KIZ: variants seen among roughly 807,000 people sequenced by gnomAD.
KIZ encodes centrosomal protein kizuna.
A neutral mutation model predicts 79.6 loss-of-function variants in KIZ; 68 were observed. The ratio of observed to expected loss-of-function variants is 0.85; its 90% CI spans 0.70 to 1.05. The LOEUF (loss-of-function observed/expected upper bound fraction) is 1.05. Among genes scored for constraint, KIZ ranks in the 50% least tolerant of loss-of-function variants. KIZ has a pLI of 0.00. For missense variants in KIZ, 797 were observed against 800.4 expected, an observed-to-expected ratio of 1.00 and a Z score of 0.05; for synonymous variants, 280 against 281.8, an observed-to-expected ratio of 0.99 and a Z score of 0.06.
intron 9 of KIZ, among the ~76,000 whole-genome samples, chr20:21,224,564 C>T (rs1032118500): frequency 6.6e-6 from 1 of 152,232 alleles, no homozygotes; most frequent in Non-Finnish European, 1.5e-5. Context: ...CTTACTCAAA[C>T]ATACCCAGTT....
intron 11 of KIZ, among the ~76,000 whole-genome samples, chr20:21,239,485 G>A (rs1338439007): frequency 6.6e-6 from 1 of 152,222 alleles, no homozygotes; most frequent in African/African-American, 2.4e-5. Flanking sequence ...ACTGCACAGT[G>A]AAGGCTCTGG....
At chr20:21,187,583 G>A (rs2034933982) in intron 6 of KIZ, among the ~76,000 whole-genome samples, 1 of 152,130 alleles carries the variant, frequency 6.6e-6, no homozygotes, top group Non-Finnish European at 1.5e-5. Flanking sequence ...CGCTCACCTA[G>A]TGTAACCCTC....
At chr20:21,216,999 A>C (rs958843457) in intron 9 of KIZ, among the ~76,000 whole-genome samples, 9 of 152,352 alleles carry the variant, frequency 5.9e-5, no homozygotes, top group African/African-American at 2.2e-4. Flanking sequence ...GCAGAAGTGC[A>C]ATATGGCTAG....
chr20:21,173,026 T>C (rs2034279645), intron 6 of KIZ, among the ~76,000 whole-genome samples: 1 of 152,082 alleles, frequency 6.6e-6, no homozygotes, highest in Non-Finnish European at 1.5e-5. Flanking sequence ...CGGGAGAAGC[T>C]GGAGTGAGAG....
chr20:21,176,340 G>A (rs188029487), intron 6 of KIZ, among the ~76,000 whole-genome samples: 6 of 152,008 alleles, frequency 3.9e-5, no homozygotes, highest in Admixed American at 3.3e-4. Flanking sequence ...CAATCAATCC[G>A]GAAAGCTGAA....
At chr20:21,126,957 G>T (rs899309906) in intron 1 of KIZ, among the ~76,000 whole-genome samples, 2 of 152,170 alleles carry the variant, frequency 1.3e-5, no homozygotes, top group African/African-American at 4.8e-5. Flanking sequence ...TAGTTGACAA[G>T]AAAGGAAATA....
intron 8 of KIZ, among the ~76,000 whole-genome samples, chr20:21,215,184 CTG>C (rs1381218468): frequency 2.0e-5 from 3 of 152,206 alleles, no homozygotes; most frequent in Non-Finnish European, 4.4e-5. Flanking sequence ...CACCCAGAAA[CTG>C]TGATTATTTA....
chr20:21,127,994 T>C (rs565984433), intron 1 of KIZ, among the ~76,000 whole-genome samples: 1 of 152,370 alleles, frequency 6.6e-6, no homozygotes, highest in South Asian at 2.1e-4. Context: ...AATTTGAGTG[T>C]TTGGATGTAC....
At chr20:21,126,573 C>G (rs763938124) in intron 1 of KIZ, among the ~76,000 whole-genome samples, 3 of 152,190 alleles carry the variant, frequency 2.0e-5, no homozygotes, top group Non-Finnish European at 2.9e-5. Flanking sequence ...CGCCCCCTCC[C>G]CACTCTCTTC....
chr20:21,191,944 A>T lies in KIZ; in HGVS notation c.1353-13547A>T, dbSNP rs577719624. ...AGCAGCCCGGAGCTCCCTTATCGAG[A>T]ATGTTTTAGTTTCTTCTACTCACAA... On this transcript the variant is annotated intron_variant, in intron 6 of 12. Coordinates refer to ENST00000619189, the MANE Select transcript of KIZ (RefSeq NM_018474.6). 2.0e-5 allele frequency among the ~76,000 whole-genome samples: 3 copies of T among 151,998 alleles called. No individual in the cohort carries two copies. In the East Asian group the frequency reaches 5.8e-4, roughly 29 times the overall value.
intron 6 of KIZ, among the ~76,000 whole-genome samples, chr20:21,171,858 C>T (rs925047193): frequency 2.0e-5 from 3 of 152,228 alleles, no homozygotes; most frequent in Non-Finnish European, 4.4e-5. Context: ...AAAGTCTGAT[C>T]ATTCTAGGCA....
intron 6 of KIZ, among the ~76,000 whole-genome samples, chr20:21,184,987 G>A (rs1276478186): frequency 6.6e-6 from 1 of 152,198 alleles, no homozygotes; most frequent in African/African-American, 2.4e-5. Flanking sequence ...GAAATACAGT[G>A]AGCTATGATT....
chr20:21,200,227 T>A (rs956727852), intron 6 of KIZ, among the ~76,000 whole-genome samples: 1 of 152,054 alleles, frequency 6.6e-6, no homozygotes, highest in African/African-American at 2.4e-5. Flanking sequence ...TTAATCTTGA[T>A]CTGTAAAATG....
intron 5 of KIZ, 39 bp downstream of exon 5, chr20:21,162,546 G>A: frequency 6.5e-7 from 1 of 1,532,656 alleles, no homozygotes; most frequent in Non-Finnish European, 8.9e-7. Flanking sequence ...GATTTTTCTG[G>A]GTGGTAGTGA....
At position 21,155,899 on chromosome 20, in the gene KIZ, A is replaced by C. The variant is rs73133304; in HGVS notation, c.406-5972A>C. On this transcript the variant is annotated intron_variant, in intron 4 of 12. Coordinates refer to ENST00000619189, the MANE Select transcript of KIZ (RefSeq NM_018474.6). Reference sequence around the variant, plus strand: ...CATAGCTGCTTTTTCTATTAGCTTTATTTCCTTATTATGATGGATTTCCAT... The same window carrying C: ...CATAGCTGCTTTTTCTATTAGCTTTCTTTCCTTATTATGATGGATTTCCAT... Among the ~76,000 whole-genome samples the C allele has an allele frequency of 6.2e-3, 936 of 152,110 alleles. 3 individuals are homozygous for C. The highest frequency in any genetic ancestry group is 0.011 in the Non-Finnish European group (744 of 68,000).
At chr20:21,232,469 T>G (rs1356578736) in intron 10 of KIZ, among the ~76,000 whole-genome samples, 2 of 152,208 alleles carry the variant, frequency 1.3e-5, no homozygotes, top group Admixed American at 1.3e-4. Flanking sequence ...ATCTTAGTCA[T>G]TTAAAATTGA....
At chr20:21,138,627 CTTTG>C in intron 3 of KIZ, among the ~76,000 whole-genome samples, 1 of 152,288 alleles carries the variant, frequency 6.6e-6, no homozygotes, top group South Asian at 2.1e-4. Flanking sequence ...GTGAGGCTGA[CTTTG>C]ACCCCTTGGT....
rs1171176091 is a variant in KIZ, at chr20:21,141,452, T to TC, written c.316-4113_316-4112insC. Among the ~76,000 whole-genome samples, 6 of 151,624 alleles carry TC rather than the reference T, an allele frequency of 4.0e-5. No homozygotes were observed. In the East Asian group the frequency reaches 1.2e-3, roughly 29 times the overall value. On this transcript the variant is annotated intron_variant, in intron 3 of 12. Transcript: ENST00000619189. The stretch of plus-strand genomic sequence containing the variant: ...ATTGATTGAGGACTGCTGAGCAAGG[T>TC]TGTAGGTGGTAGGGAATTAACCAAA...
intron 7 of KIZ, among the ~76,000 whole-genome samples, chr20:21,209,184 C>T (rs1281170719): frequency 1.3e-5 from 2 of 152,128 alleles, no homozygotes; most frequent in East Asian, 3.9e-4. Context: ...TCATCAAAGC[C>T]GCAGAAACTC....
Sources: allele counts gnomAD v4.1 joint callset (sites outside exome capture counted in the v4.1 genomes callset), GRCh38; gene constraint gnomAD v4.1.1; transcripts MANE v1.5; gene names NCBI Gene and HGNC (gene_info 2026-07-23, HGNC 2026-07-21).